Variants in IL1RAPL1 observed in about 807,000 individuals in gnomAD.
IL1RAPL1 encodes interleukin-1 receptor accessory protein-like 1.
A neutral mutation model predicts 48.4 loss-of-function variants in IL1RAPL1; 3 were observed. The observed-to-expected ratio is 0.06, with a 90% CI of 0.03 to 0.16. The LOEUF (loss-of-function observed/expected upper bound fraction) is 0.16. Among genes scored for constraint, IL1RAPL1 ranks in the 10% least tolerant of loss-of-function variants. The pLI is 1.00. For missense variants in IL1RAPL1, 349 were observed against 530.6 expected (o/e 0.66, Z 3.36); for synonymous variants, 185 against 187.7 (o/e 0.99, Z 0.12).
intron 1 of IL1RAPL1, among the ~76,000 whole-genome samples, chrX:28,625,501 G>A (rs764942698): frequency 1.7e-4 from 19 of 111,756 alleles, no homozygotes; most frequent in Middle Eastern, 4.6e-3. Context: ...GCAAACACAT[G>A]GGAAGGGCAG....
At chrX:29,528,243 A>T (rs932715006) in intron 5 of IL1RAPL1, among the ~76,000 whole-genome samples, 1 of 112,684 alleles carries the variant, frequency 8.9e-6, no homozygotes, top group Non-Finnish European at 1.9e-5. Context: ...AAAATATTGG[A>T]AACTACGTAA....
chrX:29,601,991 T>C (rs1054567189), intron 5 of IL1RAPL1, among the ~76,000 whole-genome samples: 1 of 112,281 alleles, frequency 8.9e-6, no homozygotes, highest in African/African-American at 3.2e-5. Flanking sequence ...GTTTGTTTTT[T>C]GTTTTTTTTG....
At chrX:28,758,111 G>A (rs1936125157) in intron 1 of IL1RAPL1, among the ~76,000 whole-genome samples, 1 of 112,111 alleles carries the variant, frequency 8.9e-6, no homozygotes, top group African/African-American at 3.2e-5. Context: ...AAAGTTGAAA[G>A]CCACTCAGGC....
In IL1RAPL1 at chrX:28,789,412, C is replaced by T; in HGVS notation, c.69C>T (p.Thr23=). The change falls in exon 2 of 11, where the codon ACC becomes ACT. Residue 23 remains threonine (T), a synonymous_variant. Coordinates refer to ENST00000378993, the MANE Select transcript of IL1RAPL1 (RefSeq NM_014271.4). ...TTACTCAGAGTTTGAAGGTTGTGAC[C>T]AAAAGAGGCTCCGGTAAGCAGTATT... is the stretch of plus-strand genomic sequence containing the variant. ...ATFTQSLKVV[T]KRGSADGCTD... is the part of the protein sequence containing the mutation. 8.4e-7 allele frequency: 1 copy of T among 1,197,136 alleles called. No homozygotes were observed. Among genetic ancestry groups the T allele is most frequent in the Non-Finnish European group, 1.1e-6 (1 of 882,305 alleles).
chrX:28,944,747 A>G (rs1924251683), intron 2 of IL1RAPL1, among the ~76,000 whole-genome samples: 1 of 110,759 alleles, frequency 9.0e-6, no homozygotes, highest in South Asian at 3.7e-4. Context: ...TGCAAAAAGA[A>G]TCATCCAGTG....
chrX:28,790,303 G>A (rs758215582), intron 2 of IL1RAPL1, among the ~76,000 whole-genome samples: 1 of 112,690 alleles, frequency 8.9e-6, no homozygotes, highest in South Asian at 3.6e-4. Context: ...GCAGTGTTGT[G>A]ATATAAGCAA....
intron 6 of IL1RAPL1, among the ~76,000 whole-genome samples, chrX:29,686,359 G>A (rs988628879): frequency 9.1e-6 from 1 of 109,482 alleles, no homozygotes; most frequent in Non-Finnish European, 1.9e-5. Flanking sequence ...TAAGCCATTG[G>A]GTAGTGGTCT....
At chrX:28,838,693 C>T (rs1485449068) in intron 2 of IL1RAPL1, among the ~76,000 whole-genome samples, 1 of 109,816 alleles carries the variant, frequency 9.1e-6, no homozygotes, top group Non-Finnish European at 1.9e-5. Context: ...CAAACAATAC[C>T]AGTGATAAAC....
chrX:29,644,910 G>A (rs1286268407), intron 5 of IL1RAPL1, among the ~76,000 whole-genome samples: 1 of 113,001 alleles, frequency 8.8e-6, no homozygotes, highest in Non-Finnish European at 1.9e-5. Flanking sequence ...TATTCAATCA[G>A]AGTGTAAATT....
At chrX:29,908,910 G>GTTAATCTGCT (rs1434384238) in intron 6 of IL1RAPL1, among the ~76,000 whole-genome samples, 3 of 111,608 alleles carry the variant, frequency 2.7e-5, no homozygotes, top group Non-Finnish European at 5.6e-5. Flanking sequence ...ATGTTAGCTA[G>GTTAATCTGCT]TTAATCTGCT....
At chrX:29,426,849 A>G (rs894451020) in intron 5 of IL1RAPL1, among the ~76,000 whole-genome samples, 1 of 111,329 alleles carries the variant, frequency 9.0e-6, no homozygotes, top group Admixed American at 9.6e-5. Context: ...TTTGCTCTTA[A>G]TTAAATTTAC....
At chrX:29,817,010 C>A (rs757574758) in intron 6 of IL1RAPL1, among the ~76,000 whole-genome samples, 74 of 110,318 alleles carry the variant, frequency 6.7e-4, no homozygotes, top group Non-Finnish European at 7.6e-4. Context: ...CCTCTGCTCT[C>A]TCTCCTTTAG....
intron 6 of IL1RAPL1, among the ~76,000 whole-genome samples, chrX:29,882,823 G>A (rs930497660): frequency 9.0e-6 from 1 of 111,633 alleles, no homozygotes; most frequent in African/African-American, 3.3e-5. Context: ...TCAAGAATAT[G>A]TCACAATCAT....
At chrX:28,792,721 G>T (rs760316784) in intron 2 of IL1RAPL1, among the ~76,000 whole-genome samples, 1 of 89,928 alleles carries the variant, frequency 1.1e-5, no homozygotes, top group East Asian at 3.7e-4. Context: ...CCGGGAGGTG[G>T]AGCTCGCAGT....
chrX:29,279,250 A>G (rs1268531255), intron 2 of IL1RAPL1, among the ~76,000 whole-genome samples: 3 of 110,997 alleles, frequency 2.7e-5, no homozygotes, highest in African/African-American at 9.8e-5. Context: ...AGTCTGACCA[A>G]CATGGTGAAA....
chrX:28,813,975 A>C (rs1282218610), intron 2 of IL1RAPL1, among the ~76,000 whole-genome samples: 2 of 110,701 alleles, frequency 1.8e-5, no homozygotes. Flanking sequence ...ATCAGGACCC[A>C]CGTATTCTGT....
chrX:28,765,461 T>C (rs1019836389), intron 1 of IL1RAPL1, among the ~76,000 whole-genome samples: 8 of 111,367 alleles, frequency 7.2e-5, no homozygotes, highest in Admixed American at 9.6e-5. Flanking sequence ...GATCATATAC[T>C]GATAATTTAA....
intron 1 of IL1RAPL1, among the ~76,000 whole-genome samples, chrX:28,651,488 C>A (rs1003628389): frequency 8.9e-6 from 1 of 112,035 alleles, no homozygotes; most frequent in Non-Finnish European, 1.9e-5. Context: ...TTTGCTAAGC[C>A]CTGACCTAGA....
At chrX:29,834,317 A>G (rs769378255) in intron 6 of IL1RAPL1, among the ~76,000 whole-genome samples, 36 of 111,175 alleles carry the variant, frequency 3.2e-4, no homozygotes, top group East Asian at 1.4e-3. Context: ...GTATCTTTCT[A>G]TGTCTCTGTG....
Sources: gnomAD v4.1 joint callset for allele counts (sites outside exome capture counted in the v4.1 genomes callset) on GRCh38, gnomAD v4.1.1 for gene constraint, MANE v1.5 for transcripts, NCBI Gene and HGNC (gene_info 2026-07-23, HGNC 2026-07-21) for gene names.